The following EFNB3 variants were observed in gnomAD, a reference collection of about 807,000 sequenced individuals.
EFNB3 encodes ephrin B3.
EFNB3 carries 14 observed loss-of-function variants against 29.8 expected under a neutral mutation model. The ratio of observed to expected loss-of-function variants is 0.47; its 90% CI spans 0.31 to 0.73. The LOEUF is 0.73. Among genes scored for constraint, EFNB3 ranks in the 30% least tolerant of loss-of-function variants. EFNB3 has a pLI of 0.05. For synonymous variants in EFNB3, 216 were observed against 191.6 expected (o/e 1.13, Z -1.05); for missense variants, 408 against 458.0 (o/e 0.89, Z 1.00).
In EFNB3 at chr17:7,705,587, C is replaced by T; in HGVS notation, c.-12C>T. The stretch of plus-strand genomic sequence containing the variant: ...GGAGTTGGTGCCCCGCCCCCCAGGC[C>T]TTGGCGGGGTCATGGGGCCCCCCCA... On this transcript the variant is annotated 5_prime_UTR_variant, in exon 1 of 5. Transcript: ENST00000226091. The surrounding 1 kb of genome is among the most constrained non-coding windows in gnomAD (Gnocchi z 5.4). 1 of 1,423,264 alleles carries T rather than the reference C, an allele frequency of 7.0e-7. No homozygotes were observed. The allele number at this position is 1,423,264 out of a possible 1,614,324, so 88.2% of individuals were successfully genotyped here.
rs2074342977 is a variant in EFNB3, at chr17:7,709,751, GC to G, written c.*179del. The G allele has an allele frequency of 2.8e-6, 2 of 713,274 alleles. No individual in the cohort carries two copies. Among genetic ancestry groups the G allele is most frequent in the Non-Finnish European group, 4.8e-6 (2 of 419,464 alleles). The allele number at this position is 713,274 out of a possible 1,614,324, so 44.2% of individuals were successfully genotyped here. On this transcript the variant is annotated 3_prime_UTR_variant, in exon 5 of 5. Coordinates refer to ENST00000226091, the MANE Select transcript of EFNB3 (RefSeq NM_001406.4). This position sits in a 1 kb window ranked among gnomAD's most constrained non-coding sequence, Gnocchi z 4.5. ...TTTAGGATTCCTTAGGATTCCCACTGCCCCACTTCCTGCCCTCCCGTTTGGC... is the reference window on the plus strand; with the variant it reads ...TTTAGGATTCCTTAGGATTCCCACTGCCCACTTCCTGCCCTCCCGTTTGGC...
chr17:7,708,158 A>T lies in EFNB3; in HGVS notation c.323A>T (p.Asp108Val). 6.2e-7 allele frequency: 1 copy of T among 1,613,832 alleles called. No individual in the cohort carries two copies. The change falls in exon 2 of 5, where the codon GAC becomes GTC. Residue 108 changes from aspartate (D) to valine (V), a missense_variant. Physicochemically the swap from Asp to Val is radical, Grantham distance 152. Transcript: ENST00000226091. This position sits in a 1 kb window ranked among gnomAD's most constrained non-coding sequence, Gnocchi z 6.8. The stretch of plus-strand genomic sequence containing the variant: ...CTCCTTCTCACTTGTGATCGCCCAG[A>T]CCTGGATCTCCGCTTCACCATCAAG... ...PNLLLTCDRPDLDLRFTIKFQ... is the reference protein window; with the variant it reads ...PNLLLTCDRPVLDLRFTIKFQ...
In EFNB3 at chr17:7,707,885, G is replaced by T. The variant is rs2074332691; in HGVS notation, c.123-73G>T. 2.0e-6 allele frequency: 3 copies of T among 1,503,466 alleles called. No individual in the cohort carries two copies. The East Asian group carries it at 6.8e-5, about 34-fold the overall frequency. The allele number at this position is 1,503,466 out of a possible 1,614,324, so 93.1% of individuals were successfully genotyped here. On this transcript the variant is annotated intron_variant, in intron 1 of 4. Coordinates refer to ENST00000226091, the MANE Select transcript of EFNB3 (RefSeq NM_001406.4). ...AATTGCTGTCCTGGAAGGTTGTGGG[G>T]TGAGGGAAGGAAAGTTCTGGGGGCC...
At position 7,708,032 on chromosome 17, in the gene EFNB3, G is replaced by A. The variant is rs370940378; in HGVS notation, c.197G>A (p.Arg66Gln). 23 of 1,613,876 alleles carry A rather than the reference G, an allele frequency of 1.4e-5. No individual in the cohort carries two copies. Among genetic ancestry groups the A allele is most frequent in the South Asian group, 1.3e-4 (12 of 91,090 alleles). Residue 66 changes from arginine to glutamine, a missense_variant, in exon 2 of 5, where the codon CGG (arginine) becomes CAG (glutamine). By Grantham distance (43) the Arg-to-Gln change is conservative. Around this residue, in one of 3 missense-constraint regions of EFNB3, gnomAD observed 128 missense variants for 140.8 expected, o/e 0.91. Transcript: ENST00000226091. This position sits in a 1 kb window ranked among gnomAD's most constrained non-coding sequence, Gnocchi z 6.8. Reference sequence around the variant, plus strand: ...CTAGACCTGCTCTGCCCCCGGGCCCGGCCTCCTGGCCCTCACTCCTCTCCT... The same window carrying A: ...CTAGACCTGCTCTGCCCCCGGGCCCAGCCTCCTGGCCCTCACTCCTCTCCT... ...DRLDLLCPRA[R>Q]PPGPHSSPNY...
intron 1 of EFNB3, among the ~76,000 whole-genome samples, chr17:7,707,656 CG>C (rs1001392350): frequency 6.6e-6 from 1 of 152,050 alleles, no homozygotes; most frequent in African/African-American, 2.4e-5. Context: ...GCCATGGCAA[CG>C]GGGCTGGTGA....
rs1205712554 is a variant in EFNB3, at chr17:7,705,363, G to T, written c.-236G>T. ...CGGGCTCACAGATCCCGGGGTGCTG[G>T]CGCGTGGGCCGGGGGCGCGTAGGGC... is the stretch of plus-strand genomic sequence containing the variant. On this transcript the variant is annotated 5_prime_UTR_variant, in exon 1 of 5. Coordinates refer to ENST00000226091, the MANE Select transcript of EFNB3 (RefSeq NM_001406.4). The surrounding 1 kb of genome is among the most constrained non-coding windows in gnomAD (Gnocchi z 5.4). 10 of 354,186 alleles carry T rather than the reference G, an allele frequency of 2.8e-5. No homozygotes were observed. Among genetic ancestry groups the T allele is most frequent in the Admixed American group, 1.0e-4 (2 of 19,964 alleles). The allele number at this position is 354,186 out of a possible 1,614,324, so 21.9% of individuals were successfully genotyped here. A position where few individuals can be genotyped will look rare whatever the true frequency, so the allele number is the denominator to read the frequency against.
In EFNB3 at chr17:7,709,469, C is replaced by A. The variant is rs367764633; in HGVS notation, c.916C>A (p.Pro306Thr). The change falls in exon 5 of 5, where the codon CCC (proline) becomes ACC (threonine). Residue 306 changes from proline to threonine, a missense_variant. Pro to Thr is a conservative substitution (Grantham distance 38). This residue lies in a region of EFNB3 where 233 missense variants were observed against 230.7 expected (regional missense o/e 1.01). Coordinates refer to ENST00000226091, the MANE Select transcript of EFNB3 (RefSeq NM_001406.4). The surrounding 1 kb of genome is among the most constrained non-coding windows in gnomAD (Gnocchi z 4.5). ...GCGGGGTGGCGGGGCTGCAGATCCC[C>A]CCTTCTGCCCCCACTATGAGAAGGT... The part of the protein sequence containing the change: ...ALRGGGAADP[P>T]FCPHYEKVSG... 1 of 1,613,648 alleles carries A rather than the reference C, an allele frequency of 6.2e-7. No homozygotes were observed. The highest frequency in any genetic ancestry group is 1.1e-5 in the South Asian group (1 of 91,072).
In EFNB3 at chr17:7,708,859, G is replaced by T. The variant is rs532811042; in HGVS notation, c.613+120G>T. ...GGGGGCGGTGATACAGGAAAGAGGA[G>T]AAGAGAGGATGGGAGGGTGGGAGGG... is the stretch of plus-strand genomic sequence containing the variant. On this transcript the variant is annotated intron_variant, in intron 4 of 4. Coordinates refer to ENST00000226091, the MANE Select transcript of EFNB3 (RefSeq NM_001406.4). The surrounding 1 kb of genome is among the most constrained non-coding windows in gnomAD (Gnocchi z 6.8). 44 of 684,838 alleles carry T rather than the reference G, an allele frequency of 6.4e-5. No homozygotes were observed. In the East Asian group the frequency reaches 1.3e-3, roughly 20 times the overall value. 42.4% of individuals were successfully genotyped at this position (684,838 alleles called of 1,614,324 possible). A position where few individuals can be genotyped will look rare whatever the true frequency, so the allele number is the denominator to read the frequency against.
At position 7,709,596 on chromosome 17, in the gene EFNB3, A is replaced by G. The variant is rs751400261; in HGVS notation, c.*20A>G. The G allele has an allele frequency of 6.2e-7, 1 of 1,613,392 alleles. No individual in the cohort carries two copies. The highest frequency in any genetic ancestry group is 8.5e-7 in the Non-Finnish European group (1 of 1,179,858). On this transcript the variant is annotated 3_prime_UTR_variant, in exon 5 of 5. Transcript: ENST00000226091. The surrounding 1 kb of genome is among the most constrained non-coding windows in gnomAD (Gnocchi z 4.5). ...GTATGAGGGCTCCTCTCACGTGGCTATCCTGAATCCAGCCCTTCTTGGGGT... is the reference window on the plus strand; with the variant it reads ...GTATGAGGGCTCCTCTCACGTGGCTGTCCTGAATCCAGCCCTTCTTGGGGT...
At position 7,709,611 on chromosome 17, in the gene EFNB3, C is replaced by G. The variant is rs200403710; in HGVS notation, c.*35C>G. 530 of 1,613,012 alleles carry G rather than the reference C, an allele frequency of 3.3e-4. 2 individuals carry two copies. In the African/African-American group the frequency reaches 4.8e-3, roughly 15 times the overall value. Reference sequence around the variant, plus strand: ...TCACGTGGCTATCCTGAATCCAGCCCTTCTTGGGGTGCTCCTCCAGTTTAA... The same window carrying G: ...TCACGTGGCTATCCTGAATCCAGCCGTTCTTGGGGTGCTCCTCCAGTTTAA... On this transcript the variant is annotated 3_prime_UTR_variant, in exon 5 of 5. Coordinates refer to ENST00000226091, the MANE Select transcript of EFNB3 (RefSeq NM_001406.4). The surrounding 1 kb of genome is among the most constrained non-coding windows in gnomAD (Gnocchi z 4.5).
Position 7,709,062 on chromosome 17 carries a change from C to A in EFNB3, c.614-105C>A. On this transcript the variant is annotated intron_variant, in intron 4 of 4. Transcript: ENST00000226091. This position sits in a 1 kb window ranked among gnomAD's most constrained non-coding sequence, Gnocchi z 4.5. ...AGATGGGGTCCCCAAGGGGCCTGGG[C>A]GCTACAAGGGAAGCCCATGGGGACC... 1.7e-6 allele frequency: 2 copies of A among 1,165,586 alleles called. No homozygotes were observed. The highest frequency in any genetic ancestry group is 1.3e-5 in the South Asian group (1 of 75,876). The allele number at this position is 1,165,586 out of a possible 1,614,324, so 72.2% of individuals were successfully genotyped here.
Position 7,709,694 on chromosome 17 carries a change from C to T in EFNB3, c.*118C>T. ...GCCCCCTGTGCCCCCCCAGCCCCTT[C>T]ACTCCTCCCGGCTGCTGTCCTCGTC... On this transcript the variant is annotated 3_prime_UTR_variant, in exon 5 of 5. Transcript: ENST00000226091. The surrounding 1 kb of genome is among the most constrained non-coding windows in gnomAD (Gnocchi z 4.5). 9.7e-7 allele frequency: 1 copy of T among 1,028,386 alleles called. No homozygotes were observed. The allele number at this position is 1,028,386 out of a possible 1,614,324, so 63.7% of individuals were successfully genotyped here.
Position 7,708,070 on chromosome 17 carries a change from T to A in EFNB3, c.235T>A (p.Tyr79Asn). 1 of 1,614,130 alleles carries A rather than the reference T, an allele frequency of 6.2e-7. No individual in the cohort carries two copies. Among genetic ancestry groups the A allele is most frequent in the Non-Finnish European group, 8.5e-7 (1 of 1,180,008 alleles). The change falls in exon 2 of 5, where the codon TAC becomes AAC. Residue 79 changes from tyrosine to asparagine, a missense_variant. Tyr to Asn is a moderately radical substitution (Grantham distance 143). Coordinates refer to ENST00000226091, the MANE Select transcript of EFNB3 (RefSeq NM_001406.4). This position sits in a 1 kb window ranked among gnomAD's most constrained non-coding sequence, Gnocchi z 6.8. Reference sequence around the variant, plus strand: ...TCACTCCTCTCCTAATTATGAGTTCTACAAGCTGTACCTGGTAGGGGGTGC... The same window carrying A: ...TCACTCCTCTCCTAATTATGAGTTCAACAAGCTGTACCTGGTAGGGGGTGC... Reference protein sequence around the residue: ...GPHSSPNYEFYKLYLVGGAQG... With the variant: ...GPHSSPNYEFNKLYLVGGAQG...
At position 7,711,089 on chromosome 17, in the gene EFNB3, C is replaced by T. The variant is rs2074348072; in HGVS notation, c.*1513C>T. On this transcript the variant is annotated 3_prime_UTR_variant, in exon 5 of 5. Coordinates refer to ENST00000226091, the MANE Select transcript of EFNB3 (RefSeq NM_001406.4). Reference sequence around the variant, plus strand: ...GTGCAATTGGGTGTTGCCTCAGTTTCCTCCCAGCTCAGTTTTATTAGATCA... The same window carrying T: ...GTGCAATTGGGTGTTGCCTCAGTTTTCTCCCAGCTCAGTTTTATTAGATCA... The T allele has an allele frequency of 6.5e-6, 1 of 152,672 alleles. No individual in the cohort carries two copies. 9.5% of individuals were successfully genotyped at this position (152,672 alleles called of 1,614,324 possible).
Position 7,708,660 on chromosome 17 carries a change from A to G in EFNB3, c.534A>G (p.Arg178=). The change falls in exon 4 of 5, where the codon CGA becomes CGG. Residue 178 remains arginine, a synonymous_variant. Transcript: ENST00000226091. This position sits in a 1 kb window ranked among gnomAD's most constrained non-coding sequence, Gnocchi z 6.8. ...GQSPRGGAVP[R]KPVSEMPMER... ...GTCCCCGAGGAGGGGCTGTCCCCCG[A>G]AAACCTGTGTCTGAAATGCCCATGG... 3.2e-6 allele frequency: 5 copies of G among 1,580,742 alleles called. No homozygotes were observed. The highest frequency in any genetic ancestry group is 4.3e-6 in the Non-Finnish European group (5 of 1,162,664).
chr17:7,710,780 C>T lies in EFNB3; in HGVS notation c.*1204C>T, dbSNP rs2074347089. On this transcript the variant is annotated 3_prime_UTR_variant, in exon 5 of 5. Transcript: ENST00000226091. ...ATTTTAGGACAGCTAAGATGACTGC[C>T]ATGTGCTGTGGCAGGCCTAATTTGT... 1 of 152,824 alleles carries T rather than the reference C, an allele frequency of 6.5e-6. No homozygotes were observed. Among genetic ancestry groups the T allele is most frequent in the Non-Finnish European group, 1.5e-5 (1 of 68,068 alleles). 9.5% of individuals were successfully genotyped at this position (152,824 alleles called of 1,614,324 possible).
rs2074343023 is a variant in EFNB3, at chr17:7,709,763, G to A, written c.*187G>A. 1.5e-6 allele frequency: 1 copy of A among 681,008 alleles called. No individual in the cohort carries two copies. The highest frequency in any genetic ancestry group is 1.8e-5 in the African/African-American group (1 of 54,618). The allele number at this position is 681,008 out of a possible 1,614,324, so 42.2% of individuals were successfully genotyped here. A position where few individuals can be genotyped will look rare whatever the true frequency, so the allele number is the denominator to read the frequency against. On this transcript the variant is annotated 3_prime_UTR_variant, in exon 5 of 5. Transcript: ENST00000226091. This position sits in a 1 kb window ranked among gnomAD's most constrained non-coding sequence, Gnocchi z 4.5. ...TAGGATTCCCACTGCCCCACTTCCT[G>A]CCCTCCCGTTTGGCCATGGGTGCCC...
chr17:7,706,646 G>A (rs1311121051), intron 1 of EFNB3, among the ~76,000 whole-genome samples: 1 of 152,204 alleles, frequency 6.6e-6, no homozygotes, highest in East Asian at 1.9e-4. Context: ...GGAAGGGGGT[G>A]GGCTTTGGAG....
chr17:7,709,554 C>T lies in EFNB3; in HGVS notation c.1001C>T (p.Pro334Leu). The T allele has an allele frequency of 1.9e-6, 3 of 1,613,928 alleles. No individual in the cohort carries two copies. The highest frequency in any genetic ancestry group is 2.5e-6 in the Non-Finnish European group (3 of 1,179,934). The change falls in exon 5 of 5, where the codon CCA (proline) becomes CTA (leucine). Residue 334 changes from proline to leucine, a missense_variant. Pro to Leu is a moderately conservative substitution (Grantham distance 98, BLOSUM62 -3). Coordinates refer to ENST00000226091, the MANE Select transcript of EFNB3 (RefSeq NM_001406.4). The surrounding 1 kb of genome is among the most constrained non-coding windows in gnomAD (Gnocchi z 4.5). ...IVQDGPPQSP[P>L]NIYYKV ...CAGGATGGGCCCCCCCAGAGCCCTC[C>T]AAACATCTACTACAAGGTATGAGGG...
Sources: allele counts gnomAD v4.1 joint callset (sites outside exome capture counted in the v4.1 genomes callset), GRCh38; gene constraint gnomAD v4.1.1; regional missense constraint gnomAD v4.1.1; non-coding constraint Gnocchi (gnomAD v3.1); transcripts MANE v1.5; gene names NCBI Gene and HGNC (gene_info 2026-07-23, HGNC 2026-07-21).